The following MEGF11 variants were observed in gnomAD, a reference collection of about 807,000 sequenced individuals.
MEGF11 encodes multiple EGF like domains 11.
In MEGF11, 126 loss-of-function variants were observed where a neutral mutation model predicts 146.6. That is an observed-to-expected ratio of 0.86 (90% CI 0.74 to 1.00). MEGF11 has a LOEUF of 1.00. Ranked by LOEUF, MEGF11 falls within the 50% of genes least tolerant of loss-of-function variation. MEGF11 has a pLI of 0.00. For missense variants in MEGF11, 1,509 were observed against 1,521.2 expected, an observed-to-expected ratio of 0.99 and a Z score of 0.13; for synonymous variants, 532 against 583.4, an observed-to-expected ratio of 0.91 and a Z score of 1.27.
chr15:66,012,630 C>T (rs1292941884), intron 5 of MEGF11, among the ~76,000 whole-genome samples: 1 of 152,214 alleles, frequency 6.6e-6, no homozygotes, highest in East Asian at 1.9e-4. Context: ...TAGAGTTATC[C>T]CACAGTTTCT....
chr15:65,998,187 G>T (rs1332530943), intron 5 of MEGF11, among the ~76,000 whole-genome samples: 1 of 152,168 alleles, frequency 6.6e-6, no homozygotes, highest in Non-Finnish European at 1.5e-5. Flanking sequence ...CTTCCCTGTG[G>T]CAGGACTTGC....
chr15:65,964,664 C>T (rs1407275906), intron 9 of MEGF11, among the ~76,000 whole-genome samples: 1 of 152,174 alleles, frequency 6.6e-6, no homozygotes, highest in Non-Finnish European at 1.5e-5. Flanking sequence ...TTTGGAAATG[C>T]AGGTAGCCAG....
intron 10 of MEGF11, among the ~76,000 whole-genome samples, chr15:65,952,395 C>G (rs2080439806): frequency 6.6e-6 from 1 of 152,144 alleles, no homozygotes; most frequent in African/African-American, 2.4e-5. Flanking sequence ...TCCACTTAGT[C>G]CCCTCATCCA....
At chr15:66,012,085 A>G (rs898518926) in intron 5 of MEGF11, among the ~76,000 whole-genome samples, 1 of 151,478 alleles carries the variant, frequency 6.6e-6, no homozygotes, top group Non-Finnish European at 1.5e-5. Context: ...AAAATTAGCC[A>G]GGCGTGGTGG....
intron 1 of MEGF11, among the ~76,000 whole-genome samples, chr15:66,132,989 T>C (rs1339822462): frequency 6.6e-6 from 1 of 152,186 alleles, no homozygotes; most frequent in Non-Finnish European, 1.5e-5. Flanking sequence ...TTACTGACTC[T>C]GCAGCCAACC....
intron 2 of MEGF11, among the ~76,000 whole-genome samples, chr15:66,127,784 C>T (rs929234663): frequency 1.4e-4 from 21 of 152,318 alleles, no homozygotes; most frequent in Non-Finnish European, 2.9e-4. Flanking sequence ...TCCGCTGCAG[C>T]TTTGGCCACC....
In MEGF11 at chr15:65,965,721, C is replaced by T. The variant is rs1395555942; in HGVS notation, c.900-601G>A. ...GGCCCTCATCAGACACCAAACCTGT[C>T]GGCCCCTTGATCTTGAACTTCTCAG... On this transcript the variant is annotated intron_variant, in intron 8 of 25. Coordinates refer to ENST00000395614, the MANE Select transcript of MEGF11 (RefSeq NM_001385028.1). Among the ~76,000 whole-genome samples, 10 of 150,498 alleles carry T rather than the reference C, an allele frequency of 6.6e-5. No individual in the cohort carries two copies. The South Asian group carries it at 8.4e-4, about 13-fold the overall frequency.
chr15:66,140,281 T>C (rs1441496760), intron 1 of MEGF11, among the ~76,000 whole-genome samples: 1 of 152,192 alleles, frequency 6.6e-6, no homozygotes, highest in East Asian at 1.9e-4. Flanking sequence ...AAGGGCACAA[T>C]TGCAAAAGCG....
chr15:66,079,125 C>A (rs2085723046), intron 5 of MEGF11, among the ~76,000 whole-genome samples: 2 of 152,196 alleles, frequency 1.3e-5, no homozygotes, highest in South Asian at 4.1e-4. Context: ...CTCTGGGAGA[C>A]TGCCCTTTCT....
chr15:66,015,498 C>T (rs1298523153), intron 5 of MEGF11, among the ~76,000 whole-genome samples: 1 of 152,194 alleles, frequency 6.6e-6, no homozygotes, highest in Non-Finnish European at 1.5e-5. Context: ...AAAGATAAAA[C>T]AGTCCCTGGG....
At chr15:65,991,432 A>T (rs2082040679) in intron 5 of MEGF11, among the ~76,000 whole-genome samples, 1 of 152,200 alleles carries the variant, frequency 6.6e-6, no homozygotes, top group East Asian at 1.9e-4. Context: ...GCATTAAATA[A>T]CTAAATCAGG....
chr15:66,191,872 G>A (rs879061882), intron 1 of MEGF11, among the ~76,000 whole-genome samples: 1 of 150,900 alleles, frequency 6.6e-6, no homozygotes, highest in East Asian at 2.0e-4. Flanking sequence ...TCAAGAGATC[G>A]AGACCATCCT....
chr15:66,234,456 T>C lies in MEGF11; in HGVS notation c.-9+19149A>G, dbSNP rs146474167. On this transcript the variant is annotated intron_variant, in intron 1 of 25. Transcript: ENST00000395614. ...ACCATTTGAGTCCAAGCCCACAGCATGTATCTATACGCAACGCTGAAGAGT... is the reference window on the plus strand; with the variant it reads ...ACCATTTGAGTCCAAGCCCACAGCACGTATCTATACGCAACGCTGAAGAGT... 1.5e-3 allele frequency among the ~76,000 whole-genome samples: 233 copies of C among 152,362 alleles called. 1 individual carries two copies. Among genetic ancestry groups the C allele is most frequent in the African/African-American group, 5.4e-3 (224 of 41,584 alleles).
At chr15:65,943,071 C>T (rs1364614172) in intron 10 of MEGF11, among the ~76,000 whole-genome samples, 7 of 149,352 alleles carry the variant, frequency 4.7e-5, no homozygotes, top group African/African-American at 1.7e-4. Flanking sequence ...ACTGCAACCA[C>T]CGCCCCCCGG....
chr15:66,119,294 T>C (rs995015262), intron 3 of MEGF11, 108 bp from the exon 4 acceptor site: 12 of 749,018 alleles, frequency 1.6e-5, no homozygotes, highest in Middle Eastern at 2.3e-4. Flanking sequence ...ATAATTACTT[T>C]AAAATGCATG....
At chr15:66,071,876 C>T (rs1048372828) in intron 5 of MEGF11, among the ~76,000 whole-genome samples, 3 of 152,190 alleles carry the variant, frequency 2.0e-5, no homozygotes, top group Admixed American at 6.5e-5. Flanking sequence ...CCGTTCACTC[C>T]GGTAATTAAT....
At chr15:66,082,458 AAAAAAAAAAT>A (rs1317101247) in intron 5 of MEGF11, among the ~76,000 whole-genome samples, 62 of 99,782 alleles carry the variant, frequency 6.2e-4, no homozygotes, top group Non-Finnish European at 1.1e-3. Context: ...AAAAAAAAAA[AAAAAAAAAAT>A]CTATCTATCT....
intron 9 of MEGF11, among the ~76,000 whole-genome samples, chr15:65,960,161 C>T (rs780815481): frequency 6.6e-6 from 1 of 152,184 alleles, no homozygotes; most frequent in Non-Finnish European, 1.5e-5. Context: ...ATATAGACAT[C>T]GACAGATTTA....
rs186543752 is a variant in MEGF11 at position 66,016,845 on chromosome 15, A to T, written c.395-34357T>A. On this transcript the variant is annotated intron_variant, in intron 5 of 25. Transcript: ENST00000395614. Reference sequence around the variant, plus strand: ...TGGTGTACTTGTCTGCTCCCTGTGAATGGGGAAAGGGATGCCTATAGAGAC... The same window carrying T: ...TGGTGTACTTGTCTGCTCCCTGTGATTGGGGAAAGGGATGCCTATAGAGAC... Among the ~76,000 whole-genome samples the T allele has an allele frequency of 2.4e-3, 362 of 152,328 alleles. 1 individual carries two copies. Among genetic ancestry groups the T allele is most frequent in the African/African-American group, 8.3e-3 (346 of 41,574 alleles).
Sources: gnomAD v4.1 joint callset for allele counts (sites outside exome capture counted in the v4.1 genomes callset) on GRCh38, gnomAD v4.1.1 for gene constraint, MANE v1.5 for transcripts, NCBI Gene and HGNC (gene_info 2026-07-23, HGNC 2026-07-21) for gene names.